The following LITAF variants were observed in gnomAD, a reference collection of about 807,000 sequenced individuals.
LITAF encodes lipopolysaccharide induced TNF factor, also known as lipopolysaccharide-induced tumor necrosis factor-alpha factor.
A neutral mutation model predicts 14.5 loss-of-function variants in LITAF; 9 were observed. The observed-to-expected ratio is 0.62, with a 90% CI of 0.37 to 1.08. The LOEUF is 1.08. LITAF is among the 50% of genes least tolerant of loss of function. LITAF has a pLI of 0.01. For synonymous variants in LITAF, 98 were observed against 88.2 expected (o/e 1.11, Z -0.62); for missense variants, 206 against 213.4 (o/e 0.97, Z 0.22).
intron 3 of LITAF, among the ~76,000 whole-genome samples, chr16:11,612,054 C>T (rs894435720): frequency 6.6e-6 from 1 of 152,216 alleles, no homozygotes; most frequent in African/African-American, 2.4e-5. Flanking sequence ...CTTCTTCCTT[C>T]TTCCCCTCGG....
At chr16:11,624,150 C>A (rs1268624527) in intron 3 of LITAF, among the ~76,000 whole-genome samples, 3 of 152,092 alleles carry the variant, frequency 2.0e-5, no homozygotes, top group African/African-American at 7.2e-5. Flanking sequence ...TAAATAATTT[C>A]TCTCTCTCCG....
intron 3 of LITAF, among the ~76,000 whole-genome samples, chr16:11,621,861 T>C (rs969180141): frequency 1.1e-4 from 16 of 152,026 alleles, no homozygotes; most frequent in African/African-American, 3.9e-4. Context: ...TCCGGGGCAA[T>C]GCAAACTAAG....
chr16:11,575,882 A>G (rs1022250714), intron 1 of LITAF, among the ~76,000 whole-genome samples: 3 of 151,948 alleles, frequency 2.0e-5, no homozygotes, highest in East Asian at 3.9e-4. Flanking sequence ...TTCTTTCTTA[A>G]ACTGAACTTT....
In LITAF at chr16:11,632,689, C is replaced by T. The variant is rs2065123685; in HGVS notation, c.85+844G>A. Among the ~76,000 whole-genome samples the T allele has an allele frequency of 6.6e-6, 1 of 152,216 alleles. No homozygotes were observed. The highest frequency in any genetic ancestry group is 2.1e-4 in the South Asian group (1 of 4,826). On this transcript the variant is annotated intron_variant, in intron 3 of 3. Transcript: ENST00000574848. This position sits in a 1 kb window ranked among gnomAD's most constrained non-coding sequence, Gnocchi z 4.8. The stretch of plus-strand genomic sequence containing the variant: ...CCCCAGGCCCAAGGCAGATGCCACC[C>T]AGGCCCTTCTTTCGGTTCTGCAAAT...
intron 1 of LITAF, among the ~76,000 whole-genome samples, chr16:11,579,408 G>A (rs944280079): frequency 9.9e-5 from 15 of 151,532 alleles, no homozygotes; most frequent in African/African-American, 1.5e-4. Flanking sequence ...CCGAGATTGC[G>A]CCACTGCAGT....
rs181608511 is a variant in LITAF at position 11,632,082 on chromosome 16, T to C, written c.85+1451A>G. On this transcript the variant is annotated intron_variant, in intron 3 of 3. Transcript: ENST00000574848. The surrounding 1 kb of genome is among the most constrained non-coding windows in gnomAD (Gnocchi z 4.8). ...CGGGGTTTCACCGTGTTAACCAGGATGGTCTTGATCTCCTGACCTCGTGAT... is the reference window on the plus strand; with the variant it reads ...CGGGGTTTCACCGTGTTAACCAGGACGGTCTTGATCTCCTGACCTCGTGAT... Among the ~76,000 whole-genome samples the C allele has an allele frequency of 2.0e-5, 3 of 151,596 alleles. No individual in the cohort carries two copies. Among genetic ancestry groups the C allele is most frequent in the Non-Finnish European group, 4.4e-5 (3 of 67,844 alleles).
chr16:11,559,755 G>T (rs184063329), intron 1 of LITAF, among the ~76,000 whole-genome samples: 374 of 150,722 alleles, frequency 2.5e-3, no homozygotes, highest in African/African-American at 8.4e-3. Context: ...AGCACTTTGG[G>T]AGGCTGAGGC....
chr16:11,603,651 G>GC (rs2064939934), intron 3 of LITAF, among the ~76,000 whole-genome samples: 1 of 152,182 alleles, frequency 6.6e-6, no homozygotes, highest in Non-Finnish European at 1.5e-5. Flanking sequence ...AAAATCCGCA[G>GC]CCCCCATCCC....
At chr16:11,603,888 C>CA (rs553489653) in intron 3 of LITAF, among the ~76,000 whole-genome samples, 2,928 of 150,862 alleles carry the variant, frequency 0.019, 53 homozygotes, top group Non-Finnish European at 0.027. Context: ...ACTAAAAATA[C>CA]AAAAAAAAAT....
chr16:11,575,786 A>G (rs2064622783), intron 1 of LITAF, among the ~76,000 whole-genome samples: 1 of 152,182 alleles, frequency 6.6e-6, no homozygotes, highest in African/African-American at 2.4e-5. Context: ...CCCAGTCTCC[A>G]TAGCTTCTGG....
In LITAF at chr16:11,634,959, G is replaced by A. The variant is rs1015931317; in HGVS notation, c.-21+866C>T. Among the ~76,000 whole-genome samples, 7 of 152,004 alleles carry A rather than the reference G, an allele frequency of 4.6e-5. No individual in the cohort carries two copies. The highest frequency in any genetic ancestry group is 1.4e-4 in the African/African-American group (6 of 41,392). On this transcript the variant is annotated intron_variant, in intron 2 of 3. Coordinates refer to the LITAF transcript ENST00000574848. The surrounding 1 kb of genome is among the most constrained non-coding windows in gnomAD (Gnocchi z 4.1). ...TGAGGCAGGAGAATCGATTGAACCC[G>A]GGAAGCGGAGGTTGCAGAGAGCTGA...
chr16:11,569,306 G>A (rs1018362021), intron 1 of LITAF, among the ~76,000 whole-genome samples: 4 of 152,002 alleles, frequency 2.6e-5, no homozygotes, highest in Non-Finnish European at 4.4e-5. Flanking sequence ...AGTGGCACCT[G>A]CATAGCTCAC....
At chr16:11,619,574 GT>G (rs200552184) in intron 3 of LITAF, among the ~76,000 whole-genome samples, 23 of 144,236 alleles carry the variant, frequency 1.6e-4, no homozygotes, top group East Asian at 2.0e-4. Context: ...CTTTGTTTTT[GT>G]TTTTTTTTTT....
chr16:11,632,374 G>C lies in LITAF; in HGVS notation c.85+1159C>G, dbSNP rs1292427544. On this transcript the variant is annotated intron_variant, in intron 3 of 3. Coordinates refer to the LITAF transcript ENST00000574848. The surrounding 1 kb of genome is among the most constrained non-coding windows in gnomAD (Gnocchi z 4.8). ...GGAGAGAAGGTGAAGGAGGCACCGA[G>C]ATGACAGAGACAGGGAGAGGGACAG... Among the ~76,000 whole-genome samples, 1 of 152,118 alleles carries C rather than the reference G, an allele frequency of 6.6e-6. No individual in the cohort carries two copies. Among genetic ancestry groups the C allele is most frequent in the Non-Finnish European group, 1.5e-5 (1 of 68,000 alleles).
At chr16:11,630,843 C>A (rs879745339) in intron 3 of LITAF, among the ~76,000 whole-genome samples, 1 of 151,990 alleles carries the variant, frequency 6.6e-6, no homozygotes, top group African/African-American at 2.4e-5. Context: ...ATGATCCTCC[C>A]GCCTCAGCCT....
In LITAF at chr16:11,549,009, T is replaced by C. The variant is rs1254382445; in HGVS notation, c.*628A>G. On this transcript the variant is annotated 3_prime_UTR_variant, in exon 4 of 4. Transcript: ENST00000622633. This position sits in a 1 kb window ranked among gnomAD's most constrained non-coding sequence, Gnocchi z 4.6. ...TTTTTCTAGCATGCATTTACGACCT[T>C]GTGGATATGTCTGTACTGGGTGTTA... 1 of 453,800 alleles carries C rather than the reference T, an allele frequency of 2.2e-6. No individual in the cohort carries two copies. Among genetic ancestry groups the C allele is most frequent in the East Asian group, 6.9e-5 (1 of 14,390 alleles). The allele number at this position is 453,800 out of a possible 1,614,324, so 28.1% of individuals were successfully genotyped here.
intron 1 of LITAF, chr16:11,636,237 A>G (rs2065137736): frequency 6.6e-6 from 1 of 152,196 alleles, no homozygotes; most frequent in Non-Finnish European, 1.5e-5. Flanking sequence ...TCTGGGGTAA[A>G]TACCCGAGAT....
intron 3 of LITAF, among the ~76,000 whole-genome samples, chr16:11,606,326 G>C (rs1355145118): frequency 6.6e-6 from 1 of 151,706 alleles, no homozygotes; most frequent in African/African-American, 2.4e-5. Context: ...GCACCACCAT[G>C]CCCAGTTAAT....
chr16:11,573,547 A>C (rs2064579501), intron 1 of LITAF, among the ~76,000 whole-genome samples: 1 of 152,230 alleles, frequency 6.6e-6, no homozygotes, highest in South Asian at 2.1e-4. Context: ...CAAGGGTACC[A>C]ATCAGGGATG....
Sources: allele counts gnomAD v4.1 joint callset (sites outside exome capture counted in the v4.1 genomes callset), GRCh38; gene constraint gnomAD v4.1.1; non-coding constraint Gnocchi (gnomAD v3.1); transcripts MANE v1.5; gene names NCBI Gene and HGNC (gene_info 2026-07-23, HGNC 2026-07-21).